RMDN1: variants seen among roughly 807,000 people sequenced by gnomAD.
RMDN1 encodes the protein regulator of microtubule dynamics 1.
In RMDN1, 48 loss-of-function variants were observed where a neutral mutation model predicts 48.9. The observed-to-expected ratio is 0.98, with a 90% CI of 0.78 to 1.25. RMDN1 has a LOEUF of 1.25. Ranked by LOEUF, RMDN1 falls within the 50% of genes most tolerant of loss-of-function variation. The pLI is 0.00. For synonymous variants in RMDN1, 148 were observed against 132.6 expected (o/e 1.12, Z -0.80); for missense variants, 418 against 373.4 (o/e 1.12, Z -0.98).
intron 7 of RMDN1, among the ~76,000 whole-genome samples, chr8:86,477,696 C>T (rs1440927606): frequency 8.5e-5 from 13 of 152,208 alleles, no homozygotes; most frequent in South Asian, 2.1e-4. Flanking sequence ...TGAATTTATT[C>T]GTTGTACTAG....
intron 2 of RMDN1, among the ~76,000 whole-genome samples, chr8:86,489,823 C>T (rs1320162001): frequency 1.5e-5 from 2 of 135,234 alleles, no homozygotes; most frequent in Non-Finnish European, 3.1e-5. Flanking sequence ...CAGCAAGACT[C>T]TGTCTCAAAA....
chr8:86,480,407 A>C (rs1814174103), intron 5 of RMDN1, 75 bp from the exon 6 acceptor site: 15 of 795,494 alleles, frequency 1.9e-5, no homozygotes, highest in South Asian at 4.3e-5. Flanking sequence ...TTTGCTGAAG[A>C]AGCCATGATT....
At chr8:86,470,380 G>C (rs192330546), downstream of RMDN1, 36 of 1,287,818 alleles carry the variant, frequency 2.8e-5, no homozygotes, top group South Asian at 3.3e-4. Flanking sequence ...GAAACGTCAC[G>C]GACCAATGTG....
chr8:86,474,692 TTGAAA>T (rs763677853), intron 9 of RMDN1, 123 bp downstream of exon 9: 5 of 927,206 alleles, frequency 5.4e-6, no homozygotes, highest in Non-Finnish European at 8.9e-6. Context: ...CAATTTACAC[TTGAAA>T]TGAACACACT....
rs1363943715 is a variant in RMDN1 at position 86,484,885 on chromosome 8, TTGA to T, written c.569_571del (p.Ile190del). The T allele has an allele frequency of 2.5e-6, 4 of 1,592,248 alleles. No homozygotes were observed. The highest frequency in any genetic ancestry group is 3.4e-6 in the Non-Finnish European group (4 of 1,163,950). On this transcript the variant is annotated inframe_deletion, in exon 5 of 10. Transcript: ENST00000406452. ...ATTCATCAGTACCTCAAAATGCTCC[TTGA>T]TGATATATGCATTTGCAATTTTAGC...
intron 2 of RMDN1, chr8:86,504,769 G>C (rs144831717): frequency 9.6e-7 from 1 of 1,043,328 alleles, no homozygotes; most frequent in Non-Finnish European, 1.5e-6. Flanking sequence ...CAGGGCCCCC[G>C]CCCAGCTGCG....
chr8:86,470,107 A>G, downstream of RMDN1: 1 of 1,207,810 alleles, frequency 8.3e-7, no homozygotes, highest in South Asian at 1.4e-5. Flanking sequence ...GCCATTTTCC[A>G]AAATCAGTAT....
At chr8:86,505,404 T>C (rs1819152557) in intron 2 of RMDN1, 1 of 456,238 alleles carries the variant, frequency 2.2e-6, no homozygotes, top group South Asian at 1.5e-5. Flanking sequence ...AGAGGAAAAG[T>C]AAGGCGCAGT....
intron 2 of RMDN1, 139 bp downstream of exon 2, chr8:86,506,856 C>T: frequency 1.8e-6 from 1 of 550,928 alleles, no homozygotes; most frequent in Non-Finnish European, 3.3e-6. Context: ...TTTCCCATTT[C>T]TCACTGAGCA....
intron 1 of RMDN1, among the ~76,000 whole-genome samples, chr8:86,507,852 A>G (rs944312968): frequency 6.6e-6 from 1 of 152,214 alleles, no homozygotes; most frequent in Admixed American, 6.5e-5. Context: ...TGAGCAGTTA[A>G]AAATTTGAGT....
At chr8:86,480,645 C>G (rs1020781351) in intron 5 of RMDN1, among the ~76,000 whole-genome samples, 1 of 151,996 alleles carries the variant, frequency 6.6e-6, no homozygotes, top group Non-Finnish European at 1.5e-5. Flanking sequence ...ATCTATAGCT[C>G]TTAATGTTTC....
chr8:86,474,747 T>A (rs977115318), intron 9 of RMDN1, 73 bp downstream of exon 9: 25 of 1,378,736 alleles, frequency 1.8e-5, no homozygotes, highest in Non-Finnish European at 2.6e-5. Flanking sequence ...ATTATGCTTT[T>A]AAAGAAGTTC....
At chr8:86,503,863 A>G (rs1175383096) in intron 2 of RMDN1, 18 of 627,132 alleles carry the variant, frequency 2.9e-5, no homozygotes, top group Non-Finnish European at 5.4e-5. Context: ...TTCAATGCTT[A>G]TCGTCAACCT....
intron 2 of RMDN1, among the ~76,000 whole-genome samples, chr8:86,500,091 CT>C (rs1412710675): frequency 1.3e-5 from 2 of 151,996 alleles, no homozygotes; most frequent in African/African-American, 4.8e-5. Context: ...AGAAGAAAAC[CT>C]AGGAAACACC....
chr8:86,486,464 A>T lies in RMDN1; in HGVS notation c.495+20T>A. On this transcript the variant is annotated intron_variant, in intron 4 of 9. Transcript: ENST00000406452. ...ATGTACCTCTCAGTACATGGTTAAT[A>T]GCTTAGTTAAGCAACTCACCTTATG... 1 of 1,561,040 alleles carries T rather than the reference A, an allele frequency of 6.4e-7. No individual in the cohort carries two copies. The highest frequency in any genetic ancestry group is 1.4e-5 in the African/African-American group (1 of 74,044).
intron 2 of RMDN1, 136 bp from the exon 3 acceptor site, chr8:86,488,775 G>A: frequency 2.1e-6 from 1 of 471,934 alleles, no homozygotes; most frequent in Non-Finnish European, 3.7e-6. Context: ...CAATGAAACA[G>A]CAGAAATTAG....
At chr8:86,472,272 A>G (rs1196618433), downstream of RMDN1, 7 of 606,896 alleles carry the variant, frequency 1.2e-5, no homozygotes, top group African/African-American at 1.1e-4. Context: ...CCATAATTCA[A>G]AACTTTCTGA....
At chr8:86,502,998 C>T (rs1316078029) in intron 2 of RMDN1, among the ~76,000 whole-genome samples, 1 of 152,126 alleles carries the variant, frequency 6.6e-6, no homozygotes, top group African/African-American at 2.4e-5. Flanking sequence ...TAGACAGACA[C>T]ATAGAGAAAG....
chr8:86,497,673 C>A (rs1202016158), intron 2 of RMDN1, among the ~76,000 whole-genome samples: 1 of 145,132 alleles, frequency 6.9e-6, no homozygotes, highest in African/African-American at 2.6e-5. Flanking sequence ...TGCACTCCAG[C>A]CTGAGCAACA....
Sources: allele counts gnomAD v4.1 joint callset (sites outside exome capture counted in the v4.1 genomes callset), GRCh38; gene constraint gnomAD v4.1.1; transcripts MANE v1.5; gene names NCBI Gene and HGNC (gene_info 2026-07-23, HGNC 2026-07-21).